The following REV3L variants were observed in gnomAD, a reference collection of about 807,000 sequenced individuals.
The protein encoded by REV3L is DNA polymerase zeta catalytic subunit.
A neutral mutation model predicts 299.4 loss-of-function variants in REV3L; 69 were observed. The ratio of observed to expected loss-of-function variants is 0.23; its 90% CI spans 0.19 to 0.28. The LOEUF (loss-of-function observed/expected upper bound fraction) is 0.28. Ranked by LOEUF, REV3L falls within the 10% of genes least tolerant of loss-of-function variation. The pLI is 1.00. For missense variants in REV3L, 3,128 were observed against 3,693.8 expected, an observed-to-expected ratio of 0.85 and a Z score of 3.97; for synonymous variants, 1,238 against 1,271.4, an observed-to-expected ratio of 0.97 and a Z score of 0.56.
chr6:111,472,699 T>G (rs1364399168), intron 1 of REV3L, among the ~76,000 whole-genome samples: 1 of 152,124 alleles, frequency 6.6e-6, no homozygotes, highest in Non-Finnish European at 1.5e-5. Context: ...CCAATGCTAA[T>G]TAAACAACAA....
chr6:111,359,520 GAAAAAA>G (rs371680267), intron 16 of REV3L, among the ~76,000 whole-genome samples: 1 of 102,608 alleles, frequency 9.7e-6, no homozygotes, highest in African/African-American at 3.9e-5. Context: ...AGTTTTTCCT[GAAAAAA>G]AAAAAAAAAA....
chr6:111,364,032 T>G (rs1778962772), intron 15 of REV3L, 54 bp from the exon 16 acceptor site: 2 of 1,562,760 alleles, frequency 1.3e-6, no homozygotes, highest in Admixed American at 4.1e-5. Flanking sequence ...TGAGCAATCA[T>G]TTTTCTTTTG....
At chr6:111,364,554 T>C (rs1442679720) in intron 15 of REV3L, among the ~76,000 whole-genome samples, 1 of 151,746 alleles carries the variant, frequency 6.6e-6, no homozygotes, top group East Asian at 1.9e-4. Flanking sequence ...TGATATAGTA[T>C]TTTTTAATAT....
At chr6:111,312,609 G>T in intron 28 of REV3L, 1 of 152,334 alleles carries the variant, frequency 6.6e-6, no homozygotes. Flanking sequence ...CCCAGGCTGA[G>T]TGCAGTGTTG....
intron 16 of REV3L, among the ~76,000 whole-genome samples, chr6:111,359,734 T>C (rs982031096): frequency 2.0e-5 from 3 of 152,282 alleles, no homozygotes; most frequent in African/African-American, 7.2e-5. Flanking sequence ...AAAATATAGG[T>C]TGAATTCATG....
intron 31 of REV3L, among the ~76,000 whole-genome samples, chr6:111,301,544 G>A (rs968894762): frequency 2.0e-5 from 3 of 151,758 alleles, no homozygotes; most frequent in Non-Finnish European, 4.4e-5. Context: ...TTTGAAAGTA[G>A]TGGTGCAGAC....
At chr6:111,475,496 T>C (rs941053558) in intron 1 of REV3L, among the ~76,000 whole-genome samples, 4 of 152,212 alleles carry the variant, frequency 2.6e-5, no homozygotes, top group Non-Finnish European at 5.9e-5. Context: ...GGCTGACCAT[T>C]TTCTCTTCTC....
intron 19 of REV3L, among the ~76,000 whole-genome samples, chr6:111,351,468 A>G (rs763800405): frequency 1.4e-4 from 22 of 152,200 alleles, no homozygotes; most frequent in Non-Finnish European, 2.5e-4. Flanking sequence ...CCCAACAACT[A>G]TACTAACAGT....
intron 26 of REV3L, among the ~76,000 whole-genome samples, chr6:111,321,254 T>G (rs1269251671): frequency 6.6e-6 from 1 of 152,192 alleles, no homozygotes; most frequent in Non-Finnish European, 1.5e-5. Context: ...GGCTCTGACA[T>G]TCTGTGAGTC....
chr6:111,453,781 C>T (rs561455291), intron 1 of REV3L, among the ~76,000 whole-genome samples: 81 of 151,998 alleles, frequency 5.3e-4, no homozygotes, highest in African/African-American at 1.5e-3. Flanking sequence ...GTCAGGAGTT[C>T]GAGACCAGCC....
chr6:111,444,516 C>T (rs1297526977), intron 1 of REV3L, among the ~76,000 whole-genome samples: 2 of 152,022 alleles, frequency 1.3e-5, no homozygotes, highest in African/African-American at 4.8e-5. Flanking sequence ...AGAACTCCTA[C>T]AAATCAGTAA....
chr6:111,419,040 G>A (rs752117412), intron 1 of REV3L, among the ~76,000 whole-genome samples: 9 of 152,196 alleles, frequency 5.9e-5, no homozygotes, highest in Non-Finnish European at 1.2e-4. Flanking sequence ...AGGAGGACAT[G>A]GGTGTGTGGG....
intron 18 of REV3L, among the ~76,000 whole-genome samples, chr6:111,352,529 C>G (rs1777682650): frequency 6.6e-6 from 1 of 152,070 alleles, no homozygotes; most frequent in South Asian, 2.1e-4. Flanking sequence ...CTTATCTACC[C>G]TTCTAATCTA....
intron 25 of REV3L, among the ~76,000 whole-genome samples, chr6:111,326,013 T>C (rs1774753118): frequency 2.0e-5 from 3 of 152,328 alleles, no homozygotes; most frequent in Admixed American, 1.3e-4. Context: ...AGAGTGAGAA[T>C]GTGTGATATT....
At chr6:111,333,498 G>A in intron 22 of REV3L, 131 bp from the exon 23 acceptor site, 2 of 1,157,764 alleles carry the variant, frequency 1.7e-6, no homozygotes, top group Non-Finnish European at 1.2e-6. Flanking sequence ...TTTTGAGACA[G>A]TGTTTCGCTC....
chr6:111,468,318 C>T (rs1294407586), intron 1 of REV3L, among the ~76,000 whole-genome samples: 1 of 152,054 alleles, frequency 6.6e-6, no homozygotes, highest in Non-Finnish European at 1.5e-5. Flanking sequence ...AAAAAAGATA[C>T]TACTTAAATA....
intron 31 of REV3L, among the ~76,000 whole-genome samples, chr6:111,306,879 G>A (rs953569279): frequency 2.0e-5 from 3 of 152,002 alleles, no homozygotes; most frequent in Non-Finnish European, 4.4e-5. Context: ...TATTTGAAAC[G>A]CTTAAGACCA....
At chr6:111,377,612 C>G (rs1780441363) in intron 12 of REV3L, 89 bp downstream of exon 12, 1 of 1,272,998 alleles carries the variant, frequency 7.9e-7, no homozygotes, top group Non-Finnish European at 1.1e-6. Context: ...GCTGGGATTA[C>G]AGGTGTGAGC....
chr6:111,445,557 A>G (rs144392511), intron 1 of REV3L, among the ~76,000 whole-genome samples: 1 of 152,346 alleles, frequency 6.6e-6, no homozygotes, highest in African/African-American at 2.4e-5. Flanking sequence ...ATACGTTTTT[A>G]CTGAACACCT....
Sources: allele counts gnomAD v4.1 joint callset (sites outside exome capture counted in the v4.1 genomes callset), GRCh38; gene constraint gnomAD v4.1.1; transcripts MANE v1.5; gene names NCBI Gene and HGNC (gene_info 2026-07-23, HGNC 2026-07-21).